The following PCDHGA4 variants were observed in gnomAD, a reference collection of about 807,000 sequenced individuals.
PCDHGA4 encodes the protein protocadherin gamma-A4.
A neutral mutation model predicts 54.6 loss-of-function variants in PCDHGA4; 38 were observed. The ratio of observed to expected loss-of-function variants is 0.70; its 90% confidence interval spans 0.54 to 0.91. The LOEUF (loss-of-function observed/expected upper bound fraction) is 0.91, where lower values mean the gene tolerates loss of function less well. PCDHGA4 is among the 40% of genes least tolerant of loss of function. PCDHGA4 has a pLI of 0.00. For synonymous variants in PCDHGA4, 511 were observed against 512.9 expected, an observed-to-expected ratio of 1.00 and a Z score of 0.05; for missense variants, 1,298 against 1,220.9, an observed-to-expected ratio of 1.06 and a Z score of -0.94.
chr5:141,409,231 C>T (rs756486864), intron 1 of PCDHGA4: 7 of 1,613,926 alleles, frequency 4.3e-6, no homozygotes, highest in Admixed American at 3.3e-5. Flanking sequence ...AAAACGACAA[C>T]AGCCCAGAAA....
At position 141,432,595 on chromosome 5, in the gene PCDHGA4, C is replaced by G; in HGVS notation, c.2515-62212C>G. 6.2e-7 allele frequency: 1 copy of G among 1,613,756 alleles called. No individual in the cohort carries two copies. Among genetic ancestry groups the G allele is most frequent in the Admixed American group, 1.7e-5 (1 of 60,018 alleles). ...TGTCCTACCGTCTGCTCAAGGCCAG[C>G]GAGCCGGGACTCTTCTCGGTGGGTC... On this transcript the variant is annotated intron_variant, in intron 1 of 3. Transcript: ENST00000571252. This position sits in a 1 kb window ranked among gnomAD's most constrained non-coding sequence, Gnocchi z 6.0.
At chr5:141,436,239 G>T (rs1426798903) in intron 1 of PCDHGA4, among the ~76,000 whole-genome samples, 2 of 152,012 alleles carry the variant, frequency 1.3e-5, no homozygotes, top group South Asian at 2.1e-4. Flanking sequence ...AAGCTAACAT[G>T]GTCTAATTAT....
intron 1 of PCDHGA4, chr5:141,385,045 C>T (rs769354835): frequency 1.9e-6 from 3 of 1,614,178 alleles, no homozygotes. Flanking sequence ...GGCGCTCAGG[C>T]TGCGGCGCTG....
chr5:141,453,784 G>T (rs767312144), intron 1 of PCDHGA4, among the ~76,000 whole-genome samples: 47 of 152,298 alleles, frequency 3.1e-4, no homozygotes, highest in Non-Finnish European at 5.6e-4. Flanking sequence ...AGTTACCATG[G>T]TATATTAACT....
At chr5:141,427,818 G>A (rs1356936077) in intron 1 of PCDHGA4, 3 of 1,530,644 alleles carry the variant, frequency 2.0e-6, no homozygotes, top group Non-Finnish European at 2.7e-6. Context: ...GAGCGGGGTG[G>A]TGGTCGCGCA....
rs553104661 is a variant in PCDHGA4 at position 141,460,009 on chromosome 5, C to T, written c.2515-34798C>T. ...AGGAGAATCGCTTGAACCCAGGAGG[C>T]GGAGGTTGCAGTGAGCCGAGACTGC... On this transcript the variant is annotated intron_variant, in intron 1 of 3. Coordinates refer to ENST00000571252, the MANE Select transcript of PCDHGA4 (RefSeq NM_018917.4). 9.9e-4 allele frequency among the ~76,000 whole-genome samples: 150 copies of T among 152,212 alleles called. 1 individual carries two copies. The highest frequency in any genetic ancestry group is 3.4e-3 in the Middle Eastern group (1 of 294).
rs992843398 is a variant in PCDHGA4 at position 141,374,547 on chromosome 5, T to C, written c.2514+16926T>C. On this transcript the variant is annotated intron_variant, in intron 1 of 3. Transcript: ENST00000571252. ...GCTCCATCCTCTCGTTTTCCACTAA[T>C]GGAGGTCTATGACCCTGATGTGGGA... 2.5e-6 allele frequency: 4 copies of C among 1,613,438 alleles called. No homozygotes were observed. The highest frequency in any genetic ancestry group is 1.7e-5 in the Admixed American group (1 of 60,028).
Position 141,356,765 on chromosome 5 carries a change from A to G in PCDHGA4, c.1658A>G (p.Tyr553Cys), listed in dbSNP as rs1019076807. 1.9e-6 allele frequency: 3 copies of G among 1,613,966 alleles called. No homozygotes were observed. The highest frequency in any genetic ancestry group is 2.2e-5 in the South Asian group (2 of 91,084). The change falls in exon 1 of 4, where the codon TAT (tyrosine) becomes TGT (cysteine). Residue 553 changes from tyrosine (Y) to cysteine (C), a missense_variant. Tyr to Cys is a radical substitution (Grantham distance 194). Transcript: ENST00000571252. ...GILYALCSFDYEQFRDLQLLM... is the reference protein window; with the variant it reads ...GILYALCSFDCEQFRDLQLLM... The stretch of plus-strand genomic sequence containing the variant: ...CTATATGCTCTTTGCTCCTTCGACT[A>G]TGAGCAGTTTAGAGACCTGCAGCTG...
intron 2 of PCDHGA4, among the ~76,000 whole-genome samples, chr5:141,503,614 A>G (rs1595875970): frequency 6.6e-6 from 1 of 151,640 alleles, no homozygotes; most frequent in South Asian, 2.1e-4. Flanking sequence ...AAAAAAAAAA[A>G]GAAAAAAGAA....
chr5:141,377,969 A>G (rs1165356824), intron 1 of PCDHGA4: 1 of 152,202 alleles, frequency 6.6e-6, no homozygotes, highest in African/African-American at 2.4e-5. Context: ...ACTTGAATCT[A>G]TGTTCCTGGG....
chr5:141,432,663 G>A lies in PCDHGA4; in HGVS notation c.2515-62144G>A. ...CGCACGGCGCGAGCCCTGCTGGACA[G>A]AGACGCGCTCAAGCAGAGCCTCGTA... On this transcript the variant is annotated intron_variant, in intron 1 of 3. Coordinates refer to ENST00000571252, the MANE Select transcript of PCDHGA4 (RefSeq NM_018917.4). This position sits in a 1 kb window ranked among gnomAD's most constrained non-coding sequence, Gnocchi z 6.0. 1 of 1,613,886 alleles carries A rather than the reference G, an allele frequency of 6.2e-7. No individual in the cohort carries two copies. Among genetic ancestry groups the A allele is most frequent in the Non-Finnish European group, 8.5e-7 (1 of 1,179,952 alleles).
At chr5:141,426,775 A>G (rs2096959432) in intron 1 of PCDHGA4, 1 of 456,496 alleles carries the variant, frequency 2.2e-6, no homozygotes, top group South Asian at 1.5e-5. Context: ...GTAGGGCCTC[A>G]CTCTCTCCAG....
intron 1 of PCDHGA4, among the ~76,000 whole-genome samples, chr5:141,435,264 T>C (rs1442193276): frequency 5.3e-5 from 8 of 152,222 alleles, no homozygotes; most frequent in Non-Finnish European, 8.8e-5. Context: ...GATATGTCCA[T>C]TTATACTTTC....
chr5:141,375,010 T>C (rs1771037027), intron 1 of PCDHGA4: 3 of 1,613,932 alleles, frequency 1.9e-6, no homozygotes, highest in Non-Finnish European at 1.7e-6. Context: ...ATCTAGACTA[T>C]GAGGACTCGA....
chr5:141,370,759 T>A, intron 1 of PCDHGA4: 1 of 1,614,022 alleles, frequency 6.2e-7, no homozygotes, highest in Non-Finnish European at 8.5e-7. Context: ...GTAACTGTGC[T>A]GATCCAGGAT....
At chr5:141,410,666 T>C (rs376209053) in intron 1 of PCDHGA4, 1 of 1,566,008 alleles carries the variant, frequency 6.4e-7, no homozygotes, top group Non-Finnish European at 8.6e-7. Flanking sequence ...AGTCTACTAG[T>C]TTCTCATATT....
rs199973289 is a variant in PCDHGA4, at chr5:141,393,414, G to A, written c.2514+35793G>A. On this transcript the variant is annotated intron_variant, in intron 1 of 3. Transcript: ENST00000571252. ...AGAGCTGGTGCTGGAGCGCGCCCTG[G>A]ACAGGGAGGAAGAGGCTGCTCACCA... 7 of 1,614,038 alleles carry A rather than the reference G, an allele frequency of 4.3e-6. No individual in the cohort carries two copies. In the East Asian group the frequency reaches 1.3e-4, roughly 31 times the overall value.
Position 141,431,103 on chromosome 5 carries a change from A to C in PCDHGA4, c.2515-63704A>C, listed in dbSNP as rs769542343. On this transcript the variant is annotated intron_variant, in intron 1 of 3. Coordinates refer to ENST00000571252, the MANE Select transcript of PCDHGA4 (RefSeq NM_018917.4). This position sits in a 1 kb window ranked among gnomAD's most constrained non-coding sequence, Gnocchi z 4.8. ...GACATTCTGATGGAGGATAAAGTGA[A>C]AATATATGGAGTAGAAGTAGAAGTA... 6.2e-7 allele frequency: 1 copy of C among 1,614,246 alleles called. No individual in the cohort carries two copies.
rs371964437 is a variant in PCDHGA4, at chr5:141,511,404, C to T, written c.*231C>T. On this transcript the variant is annotated 3_prime_UTR_variant, in exon 4 of 4. Coordinates refer to ENST00000571252, the MANE Select transcript of PCDHGA4 (RefSeq NM_018917.4). ...CCGCTGGGAACCCCCATCCAATCAA[C>T]TGCTGTACCCATGGGGGTAGTGGGG... The T allele has an allele frequency of 7.7e-5, 73 of 947,014 alleles. No individual in the cohort carries two copies. In the East Asian group the frequency reaches 1.8e-3, roughly 23 times the overall value. The allele number at this position is 947,014 out of a possible 1,614,324, so 58.7% of individuals were successfully genotyped here.
Sources: allele counts gnomAD v4.1 joint callset (sites outside exome capture counted in the v4.1 genomes callset), GRCh38; gene constraint gnomAD v4.1.1; non-coding constraint Gnocchi (gnomAD v3.1); transcripts MANE v1.5; gene names NCBI Gene and HGNC (gene_info 2026-07-23, HGNC 2026-07-21).